Variants in RCAN2 observed in about 807,000 individuals in gnomAD.
The protein encoded by RCAN2 is calcipressin-2.
A neutral mutation model predicts 23.6 loss-of-function variants in RCAN2; 9 were observed. That is an observed-to-expected ratio of 0.38 (90% confidence interval 0.23 to 0.67). The LOEUF (loss-of-function observed/expected upper bound fraction) is 0.67, where lower values mean the gene tolerates loss of function less well. Ranked by LOEUF, RCAN2 falls within the 30% of genes least tolerant of loss-of-function variation. The probability of loss-of-function intolerance (pLI) is 0.51; values close to 1 mark genes in which losing one functional copy is unlikely to be tolerated. For missense variants in RCAN2, 273 were observed against 302.3 expected (o/e 0.90, Z 0.72); for synonymous variants, 109 against 115.7 (o/e 0.94, Z 0.37).
chr6:46,288,375 T>G (rs1762437621), intron 2 of RCAN2, among the ~76,000 whole-genome samples: 1 of 152,158 alleles, frequency 6.6e-6, no homozygotes. Context: ...GCAAGTAAGG[T>G]GTGATGTGAA....
intron 2 of RCAN2, among the ~76,000 whole-genome samples, chr6:46,440,426 T>C (rs1391393349): frequency 2.6e-5 from 4 of 152,132 alleles, no homozygotes; most frequent in African/African-American, 9.7e-5. Context: ...CATGTTATTC[T>C]AAAAATATCA....
intron 2 of RCAN2, among the ~76,000 whole-genome samples, chr6:46,417,931 GTTTA>G (rs1561897592): frequency 1.3e-5 from 2 of 152,238 alleles, no homozygotes; most frequent in South Asian, 4.1e-4. Context: ...GCTTAGATTT[GTTTA>G]TTTATTTTTA....
At chr6:46,324,011 A>ATT (rs936658056) in intron 2 of RCAN2, among the ~76,000 whole-genome samples, 3 of 152,230 alleles carry the variant, frequency 2.0e-5, no homozygotes, top group Admixed American at 6.5e-5. Flanking sequence ...CATAGATGGA[A>ATT]TTATGTTCCA....
intron 2 of RCAN2, among the ~76,000 whole-genome samples, chr6:46,274,441 G>T (rs1187954791): frequency 6.6e-6 from 1 of 152,190 alleles, no homozygotes; most frequent in African/African-American, 2.4e-5. Context: ...TCAAAGAGAA[G>T]ATAAAAATTC....
At chr6:46,454,769 A>T (rs1456436647) in intron 2 of RCAN2, among the ~76,000 whole-genome samples, 1 of 152,230 alleles carries the variant, frequency 6.6e-6, no homozygotes, top group Non-Finnish European at 1.5e-5. Context: ...CTTCGTATAC[A>T]CATTAGATGA....
intron 2 of RCAN2, among the ~76,000 whole-genome samples, chr6:46,382,989 G>C (rs1054051648): frequency 6.6e-6 from 1 of 152,180 alleles, no homozygotes; most frequent in African/African-American, 2.4e-5. Context: ...TTGGTGCTAA[G>C]TGCTGTGTGG....
chr6:46,291,939 G>C (rs1762573901), intron 2 of RCAN2, among the ~76,000 whole-genome samples: 1 of 152,212 alleles, frequency 6.6e-6, no homozygotes, highest in Admixed American at 6.5e-5. Flanking sequence ...ACAGAGACAT[G>C]AATGTGCAGA....
At chr6:46,408,012 T>A (rs561170215) in intron 2 of RCAN2, among the ~76,000 whole-genome samples, 3 of 152,316 alleles carry the variant, frequency 2.0e-5, no homozygotes, top group Non-Finnish European at 4.4e-5. Context: ...GTCATCAGTA[T>A]GTTGAGATGG....
At chr6:46,420,067 A>G (rs1444471393) in intron 2 of RCAN2, among the ~76,000 whole-genome samples, 2 of 152,158 alleles carry the variant, frequency 1.3e-5, no homozygotes, top group African/African-American at 4.8e-5. Context: ...AATATTTTTA[A>G]GTATATTTAA....
At position 46,300,449 on chromosome 6, in the gene RCAN2, T is replaced by TA. The variant is rs1762870729; in HGVS notation, c.226-51554dup. ...TATGATAGAAATGGTATATAAAATT[T>TA]AAAAATACACAATGGCCATATCTAT... On this transcript the variant is annotated intron_variant, in intron 2 of 4. Transcript: ENST00000371374. 2.0e-5 allele frequency among the ~76,000 whole-genome samples: 3 copies of TA among 151,968 alleles called. No individual in the cohort carries two copies. In the South Asian group the frequency reaches 6.2e-4, roughly 32 times the overall value.
rs150314973 is a variant in RCAN2, at chr6:46,379,947, C to A, written c.225+76805G>T. On this transcript the variant is annotated intron_variant, in intron 2 of 4. Transcript: ENST00000371374. Reference sequence around the variant, plus strand: ...CATTTCTGCAGCTAAAGGACAGAAGCTTTAGAAAAACCTTCCAAAAAGATG... The same window carrying A: ...CATTTCTGCAGCTAAAGGACAGAAGATTTAGAAAAACCTTCCAAAAAGATG... 9.3e-4 allele frequency among the ~76,000 whole-genome samples: 142 copies of A among 152,226 alleles called. 2 individuals carry two copies. The highest frequency in any genetic ancestry group is 3.0e-3 in the African/African-American group (126 of 41,562).
At chr6:46,226,565 C>G (rs922166959) in intron 4 of RCAN2, among the ~76,000 whole-genome samples, 7 of 152,130 alleles carry the variant, frequency 4.6e-5, no homozygotes, top group African/African-American at 1.7e-4. Flanking sequence ...TGGGAGTTTA[C>G]TCATGATTTG....
At chr6:46,310,322 C>G (rs1266158461) in intron 2 of RCAN2, among the ~76,000 whole-genome samples, 1 of 152,052 alleles carries the variant, frequency 6.6e-6, no homozygotes, top group Non-Finnish European at 1.5e-5. Flanking sequence ...TTATGTTGTG[C>G]TCATTCAGAA....
At position 46,336,953 on chromosome 6, in the gene RCAN2, C is replaced by CAAA. The variant is rs3084607; in HGVS notation, c.226-88060_226-88058dup. ...GAGGAGAAAAACATATTGGAAGTAC[C>CAAA]AAAAAAAAAAAAAAGCACAGGGAGA... is the stretch of plus-strand genomic sequence containing the variant. On this transcript the variant is annotated intron_variant, in intron 2 of 4. Coordinates refer to ENST00000371374, the MANE Select transcript of RCAN2 (RefSeq NM_001251974.2). Among the ~76,000 whole-genome samples, 556 of 130,324 alleles carry CAAA rather than the reference C, an allele frequency of 4.3e-3. 17 individuals carry two copies. The highest frequency in any genetic ancestry group is 6.8e-3 in the African/African-American group (241 of 35,278). The allele number at this position is 130,324 out of a possible 152,430, so 85.5% of individuals were successfully genotyped here.
At chr6:46,281,532 T>G (rs781247471) in intron 2 of RCAN2, among the ~76,000 whole-genome samples, 1 of 152,198 alleles carries the variant, frequency 6.6e-6, no homozygotes, top group Non-Finnish European at 1.5e-5. Flanking sequence ...AAAGGGAGAT[T>G]TGAATTATTT....
chr6:46,424,771 G>T (rs1158712723), intron 2 of RCAN2, among the ~76,000 whole-genome samples: 2 of 152,112 alleles, frequency 1.3e-5, no homozygotes, highest in Non-Finnish European at 2.9e-5. Context: ...TCCACCCAGG[G>T]ATTCTGGGAA....
At chr6:46,247,836 T>C (rs904500743) in intron 3 of RCAN2, among the ~76,000 whole-genome samples, 1 of 152,222 alleles carries the variant, frequency 6.6e-6, no homozygotes, top group African/African-American at 2.4e-5. Flanking sequence ...TTTTTTTGAG[T>C]ACCTGTTTTA....
intron 2 of RCAN2, among the ~76,000 whole-genome samples, chr6:46,321,570 T>C (rs1763618253): frequency 6.6e-6 from 1 of 152,220 alleles, no homozygotes; most frequent in African/African-American, 2.4e-5. Context: ...GGAAACCTGG[T>C]ACATGAATCA....
chr6:46,255,162 G>A (rs138818258), intron 2 of RCAN2, among the ~76,000 whole-genome samples: 101 of 152,276 alleles, frequency 6.6e-4, no homozygotes, highest in African/African-American at 2.4e-3. Context: ...AGAATACAGA[G>A]CACCTAATAT....
Sources: allele counts gnomAD v4.1 joint callset (sites outside exome capture counted in the v4.1 genomes callset), GRCh38; gene constraint gnomAD v4.1.1; transcripts MANE v1.5; gene names NCBI Gene and HGNC (gene_info 2026-07-23, HGNC 2026-07-21).